Variants in NAALAD2 observed in about 807,000 individuals in gnomAD.
The protein encoded by NAALAD2 is N-acetylated-alpha-linked acidic dipeptidase 2.
In NAALAD2, 89 loss-of-function variants were observed where a neutral mutation model predicts 95.6. The observed-to-expected ratio is 0.93, with a 90% CI of 0.78 to 1.11. The LOEUF is 1.11. Among genes scored for constraint, NAALAD2 ranks in the 50% least tolerant of loss-of-function variants. The probability of loss-of-function intolerance (pLI) is 0.00; values close to 1 mark genes in which losing one functional copy is unlikely to be tolerated. For synonymous variants in NAALAD2, 264 were observed against 294.4 expected (o/e 0.90, Z 1.06); for missense variants, 894 against 872.4 (o/e 1.02, Z -0.31).
At chr11:90,133,701 G>C (rs1212982873), upstream of NAALAD2, among the ~76,000 whole-genome samples, 1 of 152,212 alleles carries the variant, frequency 6.6e-6, no homozygotes, top group African/African-American at 2.4e-5. Context: ...GCAATGGCCT[G>C]GGACAAAGTC....
chr11:90,191,821 T>TGAA lies in NAALAD2; in HGVS notation c.*76_*78dup. ...TAAAATTCACCTTTCTGATAACTTA[T>TGAA]GAAGCCAGGGTGTTCTAAACTCTTT... On this transcript the variant is annotated 3_prime_UTR_variant, in exon 19 of 19. Coordinates refer to ENST00000534061, the MANE Select transcript of NAALAD2 (RefSeq NM_005467.4). 8.1e-7 allele frequency: 1 copy of TGAA among 1,231,326 alleles called. No individual in the cohort carries two copies. The highest frequency in any genetic ancestry group is 2.6e-5 in the East Asian group (1 of 38,896). 76.3% of individuals were successfully genotyped at this position (1,231,326 alleles called of 1,614,324 possible).
At chr11:90,187,903 A>G (rs1402595782) in intron 18 of NAALAD2, among the ~76,000 whole-genome samples, 1 of 152,178 alleles carries the variant, frequency 6.6e-6, no homozygotes, top group Non-Finnish European at 1.5e-5. Flanking sequence ...TGTATTGTTA[A>G]AACAAAAACA....
At chr11:90,156,864 G>A (rs991193435) in intron 6 of NAALAD2, among the ~76,000 whole-genome samples, 9 of 151,820 alleles carry the variant, frequency 5.9e-5, no homozygotes, top group Non-Finnish European at 1.3e-4. Flanking sequence ...TTTCTACTTT[G>A]ACCCATGGTT....
At chr11:90,155,320 AATAT>A (rs1382387027) in intron 6 of NAALAD2, among the ~76,000 whole-genome samples, 2 of 119,544 alleles carry the variant, frequency 1.7e-5, no homozygotes, top group Admixed American at 1.0e-4. Context: ...TATTATATAT[AATAT>A]ATAATGTATA....
intron 18 of NAALAD2, among the ~76,000 whole-genome samples, chr11:90,184,035 G>C (rs1054691252): frequency 6.6e-6 from 1 of 152,026 alleles, no homozygotes; most frequent in Non-Finnish European, 1.5e-5. Flanking sequence ...AATTAGAAAG[G>C]TCCTAGCATT....
chr11:90,160,088 T>TA (rs1168056279), intron 8 of NAALAD2, among the ~76,000 whole-genome samples: 1 of 150,456 alleles, frequency 6.6e-6, no homozygotes, highest in African/African-American at 2.4e-5. Context: ...ATAGTTACTA[T>TA]AAGACTATAA....
Position 90,152,386 on chromosome 11 carries a change from C to A in NAALAD2, c.698C>A (p.Pro233His), listed in dbSNP as rs940689109. ...TTTGCTCCTGAGGTACAGCCATATC[C>A]CAAAGGATGGAATCTTCCTGGAACT... The part of the protein sequence containing the change: ...DYFAPEVQPY[P>H]KGWNLPGTAA... The change falls in exon 6 of 19, where the codon CCC (proline) becomes CAC (histidine). Residue 233 changes from proline (P) to histidine (H), a missense_variant. Pro to His is a moderately conservative substitution (Grantham distance 77). Transcript: ENST00000534061. 1.2e-6 allele frequency: 2 copies of A among 1,613,740 alleles called. No homozygotes were observed. Among genetic ancestry groups the A allele is most frequent in the Non-Finnish European group, 1.7e-6 (2 of 1,179,824 alleles).
At chr11:90,158,039 T>C (rs1037193918) in intron 6 of NAALAD2, 106 bp from the exon 7 acceptor site, 132 of 851,568 alleles carry the variant, frequency 1.6e-4, no homozygotes, top group Admixed American at 3.0e-4. Flanking sequence ...AATTTTGGCA[T>C]AATTGCAAAT....
intron 14 of NAALAD2, among the ~76,000 whole-genome samples, 168 bp from the exon 15 acceptor site, chr11:90,175,804 G>A (rs775906414): frequency 2.0e-5 from 3 of 152,106 alleles, no homozygotes; most frequent in Non-Finnish European, 4.4e-5. Flanking sequence ...TGCAGATTAT[G>A]GGAAAATGTC....
intron 2 of NAALAD2, among the ~76,000 whole-genome samples, chr11:90,142,241 T>C (rs1429993624): frequency 6.6e-6 from 1 of 152,158 alleles, no homozygotes; most frequent in Admixed American, 6.5e-5. Context: ...TCAAATTTAA[T>C]CCAGAGGTAT....
intron 18 of NAALAD2, 49 bp downstream of exon 18, chr11:90,183,057 T>A: frequency 7.2e-7 from 1 of 1,397,836 alleles, no homozygotes; most frequent in Non-Finnish European, 1.0e-6. Context: ...AAAACCAGCA[T>A]ACCTAAAGTT....
chr11:90,168,406 C>T (rs1159898595), intron 11 of NAALAD2, among the ~76,000 whole-genome samples: 1 of 152,214 alleles, frequency 6.6e-6, no homozygotes, highest in Non-Finnish European at 1.5e-5. Flanking sequence ...ACTCCGGAGG[C>T]TGAGTCAAGA....
chr11:90,182,011 G>C (rs1952987285), intron 17 of NAALAD2, among the ~76,000 whole-genome samples: 1 of 151,174 alleles, frequency 6.6e-6, no homozygotes, highest in East Asian at 2.0e-4. Flanking sequence ...ATCCCAAAGA[G>C]ACAAGGGCCA....
intron 8 of NAALAD2, among the ~76,000 whole-genome samples, chr11:90,162,271 G>A (rs1952318327): frequency 6.6e-6 from 1 of 152,034 alleles, no homozygotes; most frequent in Non-Finnish European, 1.5e-5. Flanking sequence ...TTCTAATTCG[G>A]TTGATTGTAA....
In NAALAD2 at chr11:90,192,738, C is replaced by T. The variant is rs115699455; in HGVS notation, c.*991C>T. 212 of 152,042 alleles carry T rather than the reference C, an allele frequency of 1.4e-3. No individual in the cohort carries two copies. The highest frequency in any genetic ancestry group is 4.8e-3 in the African/African-American group (198 of 41,528). 9.4% of individuals were successfully genotyped at this position (152,042 alleles called of 1,614,324 possible). A position where few individuals can be genotyped will look rare whatever the true frequency, so the allele number is the denominator to read the frequency against. ...AGCTCTACTGAATAAACATATAAGT[C>T]TGATGGGTGATGAAAATAGCTACTA... On this transcript the variant is annotated 3_prime_UTR_variant, in exon 19 of 19. Coordinates refer to ENST00000534061, the MANE Select transcript of NAALAD2 (RefSeq NM_005467.4).
rs561909957 is a variant in NAALAD2, at chr11:90,156,064, A to G, written c.797-2081A>G. Among the ~76,000 whole-genome samples, 12 of 151,798 alleles carry G rather than the reference A, an allele frequency of 7.9e-5. No homozygotes were observed. In the East Asian group the frequency reaches 2.3e-3, roughly 29 times the overall value. On this transcript the variant is annotated intron_variant, in intron 6 of 18. Coordinates refer to ENST00000534061, the MANE Select transcript of NAALAD2 (RefSeq NM_005467.4). The stretch of plus-strand genomic sequence containing the variant: ...ATTTTTGTACTATTCTTCTGTCTGC[A>G]GGTACTAGAGTGATATTCTCTCCTT...
intron 5 of NAALAD2, 57 bp downstream of exon 5, chr11:90,150,664 G>A: frequency 7.5e-7 from 1 of 1,337,090 alleles, no homozygotes; most frequent in Non-Finnish European, 9.9e-7. Flanking sequence ...TTCTGTAAAT[G>A]TAAATGACCA....
At chr11:90,144,160 A>C (rs1951690382) in intron 2 of NAALAD2, among the ~76,000 whole-genome samples, 1 of 152,164 alleles carries the variant, frequency 6.6e-6, no homozygotes, top group Non-Finnish European at 1.5e-5. Context: ...AAGAACAGGG[A>C]TAGAGGGAAA....
At chr11:90,178,543 C>T (rs959291751) in intron 16 of NAALAD2, among the ~76,000 whole-genome samples, 17 of 151,918 alleles carry the variant, frequency 1.1e-4, no homozygotes, top group Middle Eastern at 3.4e-3. Flanking sequence ...TGGTGGTGGG[C>T]GCCTGTAGTC....
Sources: allele counts gnomAD v4.1 joint callset (sites outside exome capture counted in the v4.1 genomes callset), GRCh38; gene constraint gnomAD v4.1.1; transcripts MANE v1.5; gene names NCBI Gene and HGNC (gene_info 2026-07-23, HGNC 2026-07-21).